Variants in RSBN1L observed in about 807,000 individuals in gnomAD.
The protein encoded by RSBN1L is lysine-specific demethylase RSBN1L.
A neutral mutation model predicts 67.7 loss-of-function variants in RSBN1L; 30 were observed. The ratio of observed to expected loss-of-function variants is 0.44; its 90% CI spans 0.33 to 0.60. The LOEUF (loss-of-function observed/expected upper bound fraction) is 0.60. RSBN1L is among the 20% of genes least tolerant of loss of function. RSBN1L has a pLI of 0.02. For synonymous variants in RSBN1L, 433 were observed against 387.0 expected, an observed-to-expected ratio of 1.12 and a Z score of -1.39; for missense variants, 992 against 1,031.7, an observed-to-expected ratio of 0.96 and a Z score of 0.53.
intron 1 of RSBN1L, among the ~76,000 whole-genome samples, chr7:77,724,540 C>G (rs1584282870): frequency 1.3e-5 from 2 of 151,596 alleles, no homozygotes; most frequent in Non-Finnish European, 2.9e-5. Flanking sequence ...ATTCTCCTGC[C>G]TCAGCCTCCT....
chr7:77,779,057 C>T lies in RSBN1L; in HGVS notation c.2430C>T (p.Asn810=), dbSNP rs368370496. The change falls in exon 8 of 8, where the codon AAC becomes AAT. Residue 810 remains asparagine (N), a synonymous_variant. Coordinates refer to ENST00000334955, the MANE Select transcript of RSBN1L (RefSeq NM_198467.3). Reference sequence around the variant, plus strand: ...TGGATTCTAAATTTGAAAATAGCAACAAAGATTTAAAGGAAGAATTGTGCC... The same window carrying T: ...TGGATTCTAAATTTGAAAATAGCAATAAAGATTTAAAGGAAGAATTGTGCC... ...IDMDSKFENS[N]KDLKEELCPG... 2.5e-6 allele frequency: 4 copies of T among 1,613,636 alleles called. No homozygotes were observed. Among genetic ancestry groups the T allele is most frequent in the East Asian group, 2.2e-5 (1 of 44,850 alleles).
Position 77,763,169 on chromosome 7 carries a change from T to G in RSBN1L, c.1345-2326T>G, listed in dbSNP as rs78119026. On this transcript the variant is annotated intron_variant, in intron 3 of 7. Transcript: ENST00000334955. ...TTTGACTTTTTTTTTTTTTTTTTTT[T>G]GGTCTCGCTGTGTTGCTCAGGCAGA... 2.7e-5 allele frequency among the ~76,000 whole-genome samples: 4 copies of G among 145,932 alleles called. No individual in the cohort carries two copies. In the South Asian group the frequency reaches 6.5e-4, roughly 24 times the overall value.
Position 77,779,277 on chromosome 7 carries a change from A to G in RSBN1L, c.*109A>G. The G allele has an allele frequency of 1.3e-6, 1 of 772,492 alleles. No homozygotes were observed. Among genetic ancestry groups the G allele is most frequent in the Non-Finnish European group, 2.1e-6 (1 of 483,968 alleles). The allele number at this position is 772,492 out of a possible 1,614,324, so 47.9% of individuals were successfully genotyped here. On this transcript the variant is annotated 3_prime_UTR_variant, in exon 8 of 8. Coordinates refer to ENST00000334955, the MANE Select transcript of RSBN1L (RefSeq NM_198467.3). Reference sequence around the variant, plus strand: ...TGCTCCTATGTCTGTTACAAAACATAGTTTATGTAGCTTTGTAACATTCCT... The same window carrying G: ...TGCTCCTATGTCTGTTACAAAACATGGTTTATGTAGCTTTGTAACATTCCT...
At chr7:77,739,739 C>CTTTTTTTTTTTTTTTTT (rs1173154183) in intron 2 of RSBN1L, among the ~76,000 whole-genome samples, 1 of 42,686 alleles carries the variant, frequency 2.3e-5, no homozygotes, top group Non-Finnish European at 4.0e-5. Context: ...AAAAATGTGT[C>CTTTTTTTTTTTTTTTTT]TTTTTTTTTT....
At chr7:77,760,221 A>G (rs763575687) in intron 3 of RSBN1L, among the ~76,000 whole-genome samples, 1 of 152,154 alleles carries the variant, frequency 6.6e-6, no homozygotes, top group Non-Finnish European at 1.5e-5. Context: ...ATTACATTAT[A>G]TAAGTCGAAT....
At chr7:77,724,155 A>C (rs1186489388) in intron 1 of RSBN1L, among the ~76,000 whole-genome samples, 1 of 152,126 alleles carries the variant, frequency 6.6e-6, no homozygotes, top group Non-Finnish European at 1.5e-5. Flanking sequence ...AATATATATC[A>C]AGTGAGGTAG....
intron 1 of RSBN1L, among the ~76,000 whole-genome samples, chr7:77,726,700 C>T (rs1270649131): frequency 6.6e-6 from 1 of 150,738 alleles, no homozygotes; most frequent in East Asian, 1.9e-4. Context: ...ACTTCTGCCT[C>T]TCGGGTTCAA....
chr7:77,709,470 A>G (rs1454111591), intron 1 of RSBN1L, among the ~76,000 whole-genome samples: 1 of 151,940 alleles, frequency 6.6e-6, no homozygotes, highest in Non-Finnish European at 1.5e-5. Context: ...TTGTATTTTT[A>G]GTAGAGCTGG....
intron 1 of RSBN1L, among the ~76,000 whole-genome samples, chr7:77,728,486 C>G (rs1197664105): frequency 6.6e-6 from 1 of 152,096 alleles, no homozygotes; most frequent in African/African-American, 2.4e-5. Context: ...TAAAAAGTCA[C>G]GAGGGCTGGC....
chr7:77,769,806 A>G (rs1791821743), intron 5 of RSBN1L, among the ~76,000 whole-genome samples: 1 of 152,234 alleles, frequency 6.6e-6, no homozygotes, highest in South Asian at 2.1e-4. Flanking sequence ...TTATGAATAT[A>G]GCATTAATAT....
intron 4 of RSBN1L, among the ~76,000 whole-genome samples, chr7:77,767,281 T>C (rs1791781086): frequency 1.5e-5 from 1 of 65,994 alleles, no homozygotes; most frequent in African/African-American, 6.5e-5. Flanking sequence ...AAAGGGGGTG[T>C]GTGGTGAAAT....
chr7:77,750,145 G>C (rs530216991), intron 3 of RSBN1L, 81 bp downstream of exon 3: 4 of 805,762 alleles, frequency 5.0e-6, no homozygotes, highest in Admixed American at 3.6e-5. Flanking sequence ...CTAATTATAG[G>C]GCTGAAATAA....
At chr7:77,760,413 G>T (rs1791684221) in intron 3 of RSBN1L, among the ~76,000 whole-genome samples, 1 of 151,990 alleles carries the variant, frequency 6.6e-6, no homozygotes, top group African/African-American at 2.4e-5. Flanking sequence ...ATGGGGTTTT[G>T]TGGGGAGGGG....
intron 1 of RSBN1L, among the ~76,000 whole-genome samples, chr7:77,703,322 ATTGT>A (rs1273339886): frequency 1.3e-5 from 2 of 151,756 alleles, no homozygotes; most frequent in Non-Finnish European, 2.9e-5. Flanking sequence ...GATAAAGAGG[ATTGT>A]TTGTCATTAT....
At chr7:77,736,229 C>A (rs1791334496) in intron 1 of RSBN1L, among the ~76,000 whole-genome samples, 181 bp from the exon 2 acceptor site, 1 of 151,772 alleles carries the variant, frequency 6.6e-6, no homozygotes, top group Non-Finnish European at 1.5e-5. Context: ...ATTTCATATT[C>A]AATAAAAAGG....
intron 1 of RSBN1L, among the ~76,000 whole-genome samples, chr7:77,721,407 T>C (rs752366582): frequency 3.9e-5 from 6 of 152,150 alleles, no homozygotes; most frequent in Non-Finnish European, 5.9e-5. Context: ...GAGCAAGATA[T>C]GATAATTGCA....
rs182486430 is a variant in RSBN1L, at chr7:77,720,969, T to C, written c.587-15441T>C. Among the ~76,000 whole-genome samples, 196 of 151,920 alleles carry C rather than the reference T, an allele frequency of 1.3e-3. 1 individual carries two copies. The highest frequency in any genetic ancestry group is 4.5e-3 in the African/African-American group (186 of 41,452). ...ATGGGGTTTCACCATTTTGGTCATA[T>C]GACCTCAAGTGATCTGCCTGCCTCG... is the stretch of plus-strand genomic sequence containing the variant. On this transcript the variant is annotated intron_variant, in intron 1 of 7. Coordinates refer to ENST00000334955, the MANE Select transcript of RSBN1L (RefSeq NM_198467.3).
chr7:77,754,619 G>T (rs909122276), intron 3 of RSBN1L, among the ~76,000 whole-genome samples: 2 of 152,112 alleles, frequency 1.3e-5, no homozygotes, highest in African/African-American at 4.8e-5. Flanking sequence ...ACAGTATTTT[G>T]TACTCCATTT....
chr7:77,765,311 C>A (rs1791746869), intron 3 of RSBN1L, among the ~76,000 whole-genome samples, 184 bp from the exon 4 acceptor site: 1 of 152,056 alleles, frequency 6.6e-6, no homozygotes, highest in African/African-American at 2.4e-5. Context: ...TTTTAAAATG[C>A]CTTATCTGTT....
Sources: gnomAD v4.1 joint callset for allele counts (sites outside exome capture counted in the v4.1 genomes callset) on GRCh38, gnomAD v4.1.1 for gene constraint, MANE v1.5 for transcripts, NCBI Gene and HGNC (gene_info 2026-07-23, HGNC 2026-07-21) for gene names.